TEAD1: variants seen among roughly 807,000 people sequenced by gnomAD.
TEAD1 encodes transcriptional enhancer factor TEF-1.
TEAD1 carries 9 observed loss-of-function variants against 54.9 expected under a neutral mutation model. The ratio of observed to expected loss-of-function variants is 0.16; its 90% confidence interval spans 0.10 to 0.29. TEAD1 has a LOEUF of 0.29. Ranked by LOEUF, TEAD1 falls within the 10% of genes least tolerant of loss-of-function variation. TEAD1 has a pLI of 1.00. For missense variants in TEAD1, 387 were observed against 535.9 expected, an observed-to-expected ratio of 0.72 and a Z score of 2.74; for synonymous variants, 200 against 187.8, an observed-to-expected ratio of 1.07 and a Z score of -0.53.
At chr11:12,855,973 G>A (rs1191030319) in intron 3 of TEAD1, among the ~76,000 whole-genome samples, 1 of 151,664 alleles carries the variant, frequency 6.6e-6, no homozygotes, top group Admixed American at 6.6e-5. Flanking sequence ...GGAGTGGTGG[G>A]GGCATATGAC....
At chr11:12,796,184 T>A (rs571997603) in intron 3 of TEAD1, among the ~76,000 whole-genome samples, 39 of 152,276 alleles carry the variant, frequency 2.6e-4, no homozygotes, top group Non-Finnish European at 1.5e-5. Context: ...TGACTTTACC[T>A]CTTACAGATA....
chr11:12,709,062 G>T (rs1943878559), intron 2 of TEAD1, among the ~76,000 whole-genome samples: 1 of 152,006 alleles, frequency 6.6e-6, no homozygotes, highest in Non-Finnish European at 1.5e-5. Flanking sequence ...TTTGGGCTGG[G>T]TGCGGTAGCT....
intron 10 of TEAD1, among the ~76,000 whole-genome samples, chr11:12,920,324 C>G (rs773368864): frequency 3.9e-5 from 6 of 152,278 alleles, no homozygotes; most frequent in African/African-American, 1.4e-4. Context: ...TAATACCATT[C>G]TAAACTTAGT....
chr11:12,914,197 G>A (rs1948669050), intron 10 of TEAD1, among the ~76,000 whole-genome samples: 1 of 152,204 alleles, frequency 6.6e-6, no homozygotes, highest in Non-Finnish European at 1.5e-5. Flanking sequence ...TTCAACCAGT[G>A]CATAGCATAA....
rs1406014868 is a variant in TEAD1 at position 12,943,764 on chromosome 11, G to A, written c.*6542G>A. ...ACCAGTCTCTGATTTTTTTTCATTA[G>A]TTATTTTCTATCATTAGTTTCACTG... On this transcript the variant is annotated 3_prime_UTR_variant, in exon 13 of 13. Transcript: ENST00000527636. 1 of 151,176 alleles carries A rather than the reference G, an allele frequency of 6.6e-6. No homozygotes were observed. The highest frequency in any genetic ancestry group is 1.5e-5 in the Non-Finnish European group (1 of 67,846). The allele number at this position is 151,176 out of a possible 1,614,324, so 9.4% of individuals were successfully genotyped here.
At chr11:12,749,414 C>T (rs1401022942) in intron 2 of TEAD1, among the ~76,000 whole-genome samples, 4 of 152,194 alleles carry the variant, frequency 2.6e-5, no homozygotes, top group Admixed American at 6.5e-5. Context: ...CCTGACACTC[C>T]GTCCACCTTT....
chr11:12,808,937 C>A lies in TEAD1; in HGVS notation c.202+44503C>A, dbSNP rs374952690. Among the ~76,000 whole-genome samples the A allele has an allele frequency of 3.3e-5, 5 of 152,200 alleles. No individual in the cohort carries two copies. The South Asian group carries it at 1.0e-3, about 32-fold the overall frequency. On this transcript the variant is annotated intron_variant, in intron 3 of 12. Coordinates refer to ENST00000527636, the MANE Select transcript of TEAD1 (RefSeq NM_021961.6). Reference sequence around the variant, plus strand: ...CAGGCTGCATAATTCTCGCAAAATGCTGTTGGAGTCCCTAGAAGGGGAGGA... The same window carrying A: ...CAGGCTGCATAATTCTCGCAAAATGATGTTGGAGTCCCTAGAAGGGGAGGA...
At chr11:12,781,684 A>G (rs1160451305) in intron 3 of TEAD1, among the ~76,000 whole-genome samples, 1 of 151,108 alleles carries the variant, frequency 6.6e-6, no homozygotes, top group Non-Finnish European at 1.5e-5. Flanking sequence ...GTTAGGGAGG[A>G]TGTAGAGAAA....
intron 10 of TEAD1, among the ~76,000 whole-genome samples, chr11:12,907,563 A>C (rs1181848352): frequency 6.6e-6 from 1 of 152,208 alleles, no homozygotes; most frequent in African/African-American, 2.4e-5. Context: ...ATTTAATTAC[A>C]AAGAGAGAAA....
intron 3 of TEAD1, among the ~76,000 whole-genome samples, chr11:12,856,606 G>T (rs1241831750): frequency 6.6e-6 from 1 of 152,150 alleles, no homozygotes; most frequent in South Asian, 2.1e-4. Context: ...GGGGTGGGGG[G>T]ATATGTAGAA....
intron 5 of TEAD1, among the ~76,000 whole-genome samples, chr11:12,874,051 T>C (rs1412658928): frequency 1.3e-5 from 2 of 152,108 alleles, no homozygotes; most frequent in African/African-American, 2.4e-5. Flanking sequence ...TTTGATGGAC[T>C]TCTATATGAA....
intron 2 of TEAD1, among the ~76,000 whole-genome samples, chr11:12,701,562 G>C (rs79870324): frequency 2.1e-3 from 323 of 152,254 alleles, no homozygotes; most frequent in African/African-American, 7.0e-3. Flanking sequence ...GGTCATGCCG[G>C]TGGGTTTTCA....
At chr11:12,816,954 A>G (rs1946428380) in intron 3 of TEAD1, among the ~76,000 whole-genome samples, 1 of 152,044 alleles carries the variant, frequency 6.6e-6, no homozygotes, top group Non-Finnish European at 1.5e-5. Context: ...GCTGGTTTGG[A>G]ATAGTGTTTC....
chr11:12,933,103 CA>C (rs1324484789), intron 12 of TEAD1, among the ~76,000 whole-genome samples: 1 of 152,284 alleles, frequency 6.6e-6, no homozygotes, highest in East Asian at 1.9e-4. Context: ...GTTCGCATGA[CA>C]AAACCACCTG....
intron 2 of TEAD1, among the ~76,000 whole-genome samples, chr11:12,716,099 G>A (rs1464935797): frequency 6.6e-6 from 1 of 151,930 alleles, no homozygotes; most frequent in East Asian, 1.9e-4. Context: ...ACTTAGGATG[G>A]GCTTCCTGTC....
intron 3 of TEAD1, among the ~76,000 whole-genome samples, chr11:12,831,818 T>A (rs1337788724): frequency 6.6e-6 from 1 of 152,070 alleles, no homozygotes; most frequent in Non-Finnish European, 1.5e-5. Flanking sequence ...AGTTTGCCTA[T>A]AATATTTATA....
rs3046322 is a variant in TEAD1, at chr11:12,900,227, A to ATT, written c.700-1700_700-1699dup. Among the ~76,000 whole-genome samples the ATT allele has an allele frequency of 3.1e-3, 442 of 142,632 alleles. 4 individuals are homozygous for ATT. The highest frequency in any genetic ancestry group is 9.4e-3 in the African/African-American group (370 of 39,178). 93.6% of individuals were successfully genotyped at this position (142,632 alleles called of 152,430 possible). ...CAGGCATGCACCACCACACCTGGTG[A>ATT]TTTTTTTTTTTTTTCTGGTAGAGAT... On this transcript the variant is annotated intron_variant, in intron 9 of 12. Transcript: ENST00000527636.
At position 12,869,271 on chromosome 11, in the gene TEAD1, G is replaced by C. The variant is rs1011584478; in HGVS notation, c.330+4371G>C. On this transcript the variant is annotated intron_variant, in intron 5 of 12. Transcript: ENST00000527636. ...GCTGGAGTCAGGGAGGCTAATTCCTGGGCTGCTTTAAGAGTGGGGAAGAGA... is the reference window on the plus strand; with the variant it reads ...GCTGGAGTCAGGGAGGCTAATTCCTCGGCTGCTTTAAGAGTGGGGAAGAGA... Among the ~76,000 whole-genome samples the C allele has an allele frequency of 2.6e-5, 4 of 152,164 alleles. No homozygotes were observed. In the East Asian group the frequency reaches 5.8e-4, roughly 22 times the overall value.
At chr11:12,927,886 T>C (rs893336154) in intron 11 of TEAD1, among the ~76,000 whole-genome samples, 2 of 152,202 alleles carry the variant, frequency 1.3e-5, no homozygotes, top group African/African-American at 2.4e-5. Context: ...CTTTAGTTTT[T>C]CCCCCAGATT....
Sources: gnomAD v4.1 joint callset for allele counts (sites outside exome capture counted in the v4.1 genomes callset) on GRCh38, gnomAD v4.1.1 for gene constraint, MANE v1.5 for transcripts, NCBI Gene and HGNC (gene_info 2026-07-23, HGNC 2026-07-21) for gene names.